Variants in DNM3 observed in about 807,000 individuals in gnomAD.
DNM3 encodes dynamin-3.
A neutral mutation model predicts 101.6 loss-of-function variants in DNM3; 47 were observed. The observed-to-expected ratio is 0.46, with a 90% CI of 0.37 to 0.59. The LOEUF is 0.59. Ranked by LOEUF, DNM3 falls within the 20% of genes least tolerant of loss-of-function variation. The pLI is 0.00. For missense variants in DNM3, 849 were observed against 1,085.7 expected (o/e 0.78, Z 3.06); for synonymous variants, 385 against 387.9 (o/e 0.99, Z 0.09).
chr1:172,066,427 G>A (rs551825204), intron 10 of DNM3, among the ~76,000 whole-genome samples: 22 of 152,202 alleles, frequency 1.4e-4, no homozygotes, highest in African/African-American at 4.8e-4. Flanking sequence ...ATATTGTAAG[G>A]GTGCTGAGTG....
At chr1:171,865,531 A>T (rs1403792089) in intron 1 of DNM3, among the ~76,000 whole-genome samples, 2 of 151,282 alleles carry the variant, frequency 1.3e-5, no homozygotes, top group African/African-American at 4.8e-5. Flanking sequence ...AAAAAAAAAA[A>T]AAAAAAAAAG....
intron 14 of DNM3, among the ~76,000 whole-genome samples, chr1:172,196,083 G>A (rs2059937377): frequency 6.6e-6 from 1 of 151,462 alleles, no homozygotes. Flanking sequence ...AGTAGACCCA[G>A]TGTCTCTTGT....
chr1:172,246,473 T>G (rs759328456), intron 14 of DNM3, among the ~76,000 whole-genome samples: 2 of 152,098 alleles, frequency 1.3e-5, no homozygotes, highest in Non-Finnish European at 2.9e-5. Flanking sequence ...CTATAATACT[T>G]TTAGAAAAAA....
chr1:172,242,713 G>T (rs1213561571), intron 14 of DNM3, among the ~76,000 whole-genome samples: 1 of 152,166 alleles, frequency 6.6e-6, no homozygotes, highest in Non-Finnish European at 1.5e-5. Flanking sequence ...AAACAACTGG[G>T]ATTACAGGCA....
chr1:171,921,238 G>C (rs1252534328), intron 1 of DNM3, among the ~76,000 whole-genome samples: 3 of 151,644 alleles, frequency 2.0e-5, no homozygotes, highest in Non-Finnish European at 2.9e-5. Flanking sequence ...GTGGAACACT[G>C]TGCCCGGCCT....
rs60523795 is a variant in DNM3 at position 171,875,813 on chromosome 1, C to CT, written c.161+34012dup. Among the ~76,000 whole-genome samples the CT allele has an allele frequency of 3.4e-3, 359 of 104,686 alleles. 8 individuals are homozygous for CT. Among genetic ancestry groups the CT allele is most frequent in the South Asian group, 7.1e-3 (20 of 2,822 alleles). 68.7% of individuals were successfully genotyped at this position (104,686 alleles called of 152,430 possible). Reference sequence around the variant, plus strand: ...CAAGTCTAAAAAAAGAGTTGTCTCTCTTTTTTTTTTTTTTTTGAGATGGAG... The same window carrying CT: ...CAAGTCTAAAAAAAGAGTTGTCTCTCTTTTTTTTTTTTTTTTTGAGATGGAG... On this transcript the variant is annotated intron_variant, in intron 1 of 20. Coordinates refer to ENST00000627582, the MANE Select transcript of DNM3 (RefSeq NM_015569.5).
intron 13 of DNM3, among the ~76,000 whole-genome samples, chr1:172,130,000 A>G (rs2056849777): frequency 6.6e-6 from 1 of 152,156 alleles, no homozygotes; most frequent in Non-Finnish European, 1.5e-5. Flanking sequence ...CAAGGGTGAC[A>G]GGGGCTGGAA....
Position 172,191,656 on chromosome 1 carries a change from T to G in DNM3, c.1659+60368T>G, listed in dbSNP as rs1291804522. 3.3e-5 allele frequency among the ~76,000 whole-genome samples: 5 copies of G among 152,164 alleles called. No individual in the cohort carries two copies. In the South Asian group the frequency reaches 1.0e-3, roughly 32 times the overall value. On this transcript the variant is annotated intron_variant, in intron 14 of 20. Coordinates refer to ENST00000627582, the MANE Select transcript of DNM3 (RefSeq NM_015569.5). ...GTTCTTGCTATCCATGAGCATGGAG[T>G]GTTCTTCCATTTGTTTGTGTCCTCT...
intron 4 of DNM3, among the ~76,000 whole-genome samples, chr1:172,003,270 TA>T (rs1477523765): frequency 6.6e-6 from 1 of 152,092 alleles, no homozygotes; most frequent in African/African-American, 2.4e-5. Flanking sequence ...ACACAATTAA[TA>T]GTTTCCTATG....
chr1:171,924,175 T>C (rs1026238071), intron 2 of DNM3, among the ~76,000 whole-genome samples: 1 of 152,196 alleles, frequency 6.6e-6, no homozygotes, highest in African/African-American at 2.4e-5. Context: ...TAATAATTTC[T>C]TTTCCTTTGG....
intron 20 of DNM3, among the ~76,000 whole-genome samples, chr1:172,405,478 C>A (rs924676733): frequency 1.3e-5 from 2 of 151,994 alleles, no homozygotes; most frequent in African/African-American, 4.8e-5. Flanking sequence ...ACAAAAGGAT[C>A]AAGAGAAGTC....
At chr1:172,153,868 G>A (rs1294080279) in intron 14 of DNM3, among the ~76,000 whole-genome samples, 1 of 152,024 alleles carries the variant, frequency 6.6e-6, no homozygotes, top group Admixed American at 6.6e-5. Context: ...AACATTAAGT[G>A]TCTTCAGAAG....
chr1:172,326,632 A>G (rs1260194791), intron 17 of DNM3, among the ~76,000 whole-genome samples: 1 of 151,984 alleles, frequency 6.6e-6, no homozygotes, highest in Non-Finnish European at 1.5e-5. Context: ...AATTTTAGAA[A>G]TTTCATAGAC....
intron 2 of DNM3, among the ~76,000 whole-genome samples, chr1:171,973,977 C>T (rs1462384646): frequency 6.6e-6 from 1 of 151,934 alleles, no homozygotes; most frequent in African/African-American, 2.4e-5. Context: ...AAGTCTTAAT[C>T]ACTAGTGTTT....
intron 13 of DNM3, among the ~76,000 whole-genome samples, chr1:172,111,199 G>T (rs1233255116): frequency 6.6e-6 from 1 of 152,208 alleles, no homozygotes; most frequent in Non-Finnish European, 1.5e-5. Context: ...TGTTGCTTTA[G>T]ATGGGAGAGA....
At chr1:171,925,465 C>T (rs921318637) in intron 2 of DNM3, among the ~76,000 whole-genome samples, 3 of 151,330 alleles carry the variant, frequency 2.0e-5, no homozygotes, top group South Asian at 2.1e-4. Context: ...CTCCTGACCT[C>T]GTGATCTGCC....
At chr1:172,274,925 C>T (rs1044238174) in intron 15 of DNM3, among the ~76,000 whole-genome samples, 1 of 151,906 alleles carries the variant, frequency 6.6e-6, no homozygotes, top group Non-Finnish European at 1.5e-5. Flanking sequence ...GCTACAAGGG[C>T]TTCCAACTGC....
chr1:172,275,229 A>G, intron 15 of DNM3, among the ~76,000 whole-genome samples: 1 of 152,050 alleles, frequency 6.6e-6, no homozygotes, highest in East Asian at 1.9e-4. Context: ...TTATTAAATT[A>G]TTGGATAGAT....
chr1:171,947,361 A>G (rs114390902), intron 2 of DNM3, among the ~76,000 whole-genome samples: 2,253 of 152,172 alleles, frequency 0.015, 67 homozygotes, highest in African/African-American at 0.051. Flanking sequence ...TCTTATGTGA[A>G]TTTCTTACAG....
Sources: allele counts gnomAD v4.1 joint callset (sites outside exome capture counted in the v4.1 genomes callset), GRCh38; gene constraint gnomAD v4.1.1; transcripts MANE v1.5; gene names NCBI Gene and HGNC (gene_info 2026-07-23, HGNC 2026-07-21).